JAK2: variants seen among roughly 807,000 people sequenced by gnomAD.
JAK2 encodes the protein Janus kinase 2.
Under a neutral mutation model 139.3 loss-of-function variants are expected in JAK2, and 86 were observed. That is an observed-to-expected ratio of 0.62 (90% CI 0.52 to 0.74). The LOEUF (loss-of-function observed/expected upper bound fraction) is 0.74. JAK2 is among the 30% of genes least tolerant of loss of function. The pLI, the probability that JAK2 is intolerant of heterozygous loss-of-function variation, is 0.00. For missense variants in JAK2, 1,421 were observed against 1,360.3 expected, an observed-to-expected ratio of 1.04 and a Z score of -0.70; for synonymous variants, 490 against 437.7, an observed-to-expected ratio of 1.12 and a Z score of -1.49.
In JAK2 at chr9:5,050,722, C is replaced by T. The variant is rs1303066147; in HGVS notation, c.505C>T (p.Pro169Ser). Reference sequence around the variant, plus strand: ...TTTTGTGCACGGATGGATAAAAGTACCTGTGACTCATGAAACACAGGAAGA... The same window carrying T: ...TTTTGTGCACGGATGGATAAAAGTATCTGTGACTCATGAAACACAGGAAGA... ...HDFVHGWIKVPVTHETQEECL... is the reference protein window; with the variant it reads ...HDFVHGWIKVSVTHETQEECL... The change falls in exon 6 of 25, where the codon CCT (proline) becomes TCT (serine). Residue 169 changes from proline to serine, a missense_variant. Transcript: ENST00000381652. 2 of 1,613,640 alleles carry T rather than the reference C, an allele frequency of 1.2e-6. No individual in the cohort carries two copies. The highest frequency in any genetic ancestry group is 8.5e-7 in the Non-Finnish European group (1 of 1,179,762).
At chr9:5,059,654 CTCT>C (rs1188611415) in intron 8 of JAK2, among the ~76,000 whole-genome samples, 1 of 152,120 alleles carries the variant, frequency 6.6e-6, no homozygotes, top group Non-Finnish European at 1.5e-5. Context: ...TATCAGTTCA[CTCT>C]TCTTTCAGTA....
At chr9:5,019,885 G>A (rs898480296) in intron 2 of JAK2, among the ~76,000 whole-genome samples, 1 of 152,202 alleles carries the variant, frequency 6.6e-6, no homozygotes, top group Admixed American at 6.5e-5. Flanking sequence ...GCTGGGGATG[G>A]TGACACCAGC....
In JAK2 at chr9:5,002,247, A is replaced by G. The variant is rs187498476; in HGVS notation, c.-26+16225A>G. Among the ~76,000 whole-genome samples, 1,322 of 151,316 alleles carry G rather than the reference A, an allele frequency of 8.7e-3. 16 individuals are homozygous for G. The highest frequency in any genetic ancestry group is 0.03 in the African/African-American group (1,259 of 41,332). On this transcript the variant is annotated intron_variant, in intron 2 of 24. Coordinates refer to ENST00000381652, the MANE Select transcript of JAK2 (RefSeq NM_004972.4). ...CTAGGAAGCTTACATAATTAATTTC[A>G]TATCTTTCTTCTTTTCCATCATAAG...
At chr9:5,020,162 T>C (rs886446947) in intron 2 of JAK2, among the ~76,000 whole-genome samples, 2 of 152,168 alleles carry the variant, frequency 1.3e-5, no homozygotes, top group Non-Finnish European at 2.9e-5. Flanking sequence ...TCTGTGCTTA[T>C]GTCGGCAGTG....
At chr9:5,111,589 C>G (rs1822546231) in intron 22 of JAK2, 1 of 366,276 alleles carries the variant, frequency 2.7e-6, no homozygotes, top group African/African-American at 2.2e-5. Context: ...AAGCCGAGCT[C>G]TGGAGTTCCC....
In JAK2 at chr9:5,129,247, C is replaced by T. The variant is rs762517472; in HGVS notation, c.*2456C>T. ...ATTGAGCCTATGTTAATTTCTTTAG[C>T]ATGCTCCCCCTAAATTGAAATAGTG... is the stretch of plus-strand genomic sequence containing the variant. On this transcript the variant is annotated 3_prime_UTR_variant, in exon 25 of 25. Transcript: ENST00000381652. 6.6e-6 allele frequency among the ~76,000 whole-genome samples: 1 copy of T among 152,070 alleles called. No individual in the cohort carries two copies. Among genetic ancestry groups the T allele is most frequent in the Non-Finnish European group, 1.5e-5 (1 of 67,936 alleles).
intron 3 of JAK2, among the ~76,000 whole-genome samples, chr9:5,026,645 G>T (rs1197557131): frequency 6.6e-6 from 1 of 152,176 alleles, no homozygotes; most frequent in Non-Finnish European, 1.5e-5. Flanking sequence ...AACATGGTAT[G>T]AATGGTTATT....
chr9:5,013,221 TA>T (rs145497126), intron 2 of JAK2, among the ~76,000 whole-genome samples: 80 of 151,074 alleles, frequency 5.3e-4, no homozygotes, highest in Non-Finnish European at 6.9e-4. Context: ...TCTTTTGTGA[TA>T]AAAAAAAATA....
intron 8 of JAK2, among the ~76,000 whole-genome samples, chr9:5,060,205 T>A (rs1469623658): frequency 6.6e-6 from 1 of 152,222 alleles, no homozygotes; most frequent in Non-Finnish European, 1.5e-5. Flanking sequence ...ATCTTTCTGC[T>A]TATGAGGGTA....
chr9:5,074,536 CA>C, intron 14 of JAK2, among the ~76,000 whole-genome samples: 1 of 152,180 alleles, frequency 6.6e-6, no homozygotes, highest in South Asian at 2.1e-4. Flanking sequence ...TGGGGTGTCC[CA>C]AACAGAGAGA....
At chr9:5,056,713 T>A (rs1264591363) in intron 8 of JAK2, among the ~76,000 whole-genome samples, 2 of 152,188 alleles carry the variant, frequency 1.3e-5, no homozygotes, top group Non-Finnish European at 2.9e-5. Context: ...CATAAAAGGA[T>A]GATTAACAAT....
chr9:5,086,011 T>A (rs1313015092), intron 19 of JAK2: 25 of 822,064 alleles, frequency 3.0e-5, no homozygotes, highest in Non-Finnish European at 4.7e-5. Context: ...AACTGTGATA[T>A]ACTATATACA....
At chr9:5,124,433 C>A (rs977472760) in intron 23 of JAK2, among the ~76,000 whole-genome samples, 6 of 151,634 alleles carry the variant, frequency 4.0e-5, no homozygotes, top group Non-Finnish European at 5.9e-5. Context: ...ATATGGCAAT[C>A]CAATTTACCA....
intron 22 of JAK2, among the ~76,000 whole-genome samples, chr9:5,096,399 C>G (rs1053717959): frequency 6.6e-6 from 1 of 152,146 alleles, no homozygotes; most frequent in South Asian, 2.1e-4. Context: ...TTTAATTAAG[C>G]TAAGTCCTTG....
chr9:5,087,141 C>T (rs1820186706), intron 19 of JAK2, among the ~76,000 whole-genome samples: 1 of 152,160 alleles, frequency 6.6e-6, no homozygotes, highest in South Asian at 2.1e-4. Flanking sequence ...TCTCACGCTG[C>T]AAATAAAGAC....
chr9:5,112,653 T>C (rs1586820883), intron 22 of JAK2: 2 of 982,240 alleles, frequency 2.0e-6, no homozygotes, highest in Non-Finnish European at 2.9e-6. Flanking sequence ...CAGACCAAAC[T>C]CCTTATCCTG....
At chr9:5,019,962 G>C (rs1266417554) in intron 2 of JAK2, among the ~76,000 whole-genome samples, 1 of 152,164 alleles carries the variant, frequency 6.6e-6, no homozygotes, top group Non-Finnish European at 1.5e-5. Flanking sequence ...TAGCCCCAGG[G>C]TGGCTTACAT....
chr9:5,124,127 A>G (rs1259160946), intron 23 of JAK2, among the ~76,000 whole-genome samples: 1 of 151,792 alleles, frequency 6.6e-6, no homozygotes, highest in Non-Finnish European at 1.5e-5. Flanking sequence ...TCAGATACAA[A>G]GTTTGCAAAT....
intron 3 of JAK2, among the ~76,000 whole-genome samples, chr9:5,028,367 A>G (rs1291732718): frequency 6.6e-6 from 1 of 152,170 alleles, no homozygotes; most frequent in Non-Finnish European, 1.5e-5. Context: ...CTATATACAG[A>G]TGTGCTATCT....
Sources: allele counts gnomAD v4.1 joint callset (sites outside exome capture counted in the v4.1 genomes callset), GRCh38; gene constraint gnomAD v4.1.1; transcripts MANE v1.5; gene names NCBI Gene and HGNC (gene_info 2026-07-23, HGNC 2026-07-21).